The following KIRREL3 variants were observed in gnomAD, a reference collection of about 807,000 sequenced individuals.
KIRREL3 encodes kin of IRRE-like protein 3.
KIRREL3 carries 36 observed loss-of-function variants against 89.7 expected under a neutral mutation model. The ratio of observed to expected loss-of-function variants is 0.40; its 90% CI spans 0.31 to 0.53. The LOEUF is 0.53. KIRREL3 is among the 20% of genes least tolerant of loss of function. The pLI, the probability that KIRREL3 is intolerant of heterozygous loss-of-function variation, is 0.49. For missense variants in KIRREL3, 864 were observed against 1,056.6 expected, an observed-to-expected ratio of 0.82 and a Z score of 2.53; for synonymous variants, 445 against 441.4, an observed-to-expected ratio of 1.01 and a Z score of -0.10.
intron 1 of KIRREL3, among the ~76,000 whole-genome samples, chr11:126,971,388 A>G (rs949846909): frequency 6.6e-6 from 1 of 152,166 alleles, no homozygotes; most frequent in Admixed American, 6.5e-5. Context: ...TTCTGAAGAG[A>G]TAACAGCTAG....
At chr11:126,804,924 G>A (rs1235959866) in intron 1 of KIRREL3, among the ~76,000 whole-genome samples, 3 of 152,110 alleles carry the variant, frequency 2.0e-5, no homozygotes, top group African/African-American at 2.4e-5. Context: ...CACAATTTTT[G>A]GCTAGGGGTT....
At chr11:126,577,158 T>TCGAC (rs1242004016) in intron 1 of KIRREL3, among the ~76,000 whole-genome samples, 2 of 152,186 alleles carry the variant, frequency 1.3e-5, no homozygotes, top group African/African-American at 4.8e-5. Flanking sequence ...GCGTTTCCTA[T>TCGAC]CGACCCGGTG....
Position 126,637,730 on chromosome 11 carries a change from G to A in KIRREL3, c.56-74818C>T, listed in dbSNP as rs189976803. On this transcript the variant is annotated intron_variant, in intron 1 of 16. Coordinates refer to ENST00000525144, the MANE Select transcript of KIRREL3 (RefSeq NM_032531.4). ...TGGTCACTTAAAAAAAGATAAAAATGCAGAGGAGGGTTTTCCTTAGCAAAA... is the reference window on the plus strand; with the variant it reads ...TGGTCACTTAAAAAAAGATAAAAATACAGAGGAGGGTTTTCCTTAGCAAAA... 7.2e-5 allele frequency among the ~76,000 whole-genome samples: 11 copies of A among 152,300 alleles called. No homozygotes were observed. In the East Asian group the frequency reaches 2.1e-3, roughly 29 times the overall value.
chr11:126,478,914 G>C lies in KIRREL3; in HGVS notation c.434-5448C>G, dbSNP rs113451061. Among the ~76,000 whole-genome samples the C allele has an allele frequency of 3.7e-3, 566 of 152,288 alleles. 5 individuals are homozygous for C. Among genetic ancestry groups the C allele is most frequent in the African/African-American group, 0.013 (531 of 41,540 alleles). ...AGCGCTGTAGGAACTCTGCGCTGCT[G>C]TGGCATCAGGGTTGGTGCTCCCTGT... On this transcript the variant is annotated intron_variant, in intron 4 of 16. Transcript: ENST00000525144.
chr11:126,729,948 T>C lies in KIRREL3; in HGVS notation c.56-167036A>G, dbSNP rs1948547099. 6.6e-6 allele frequency among the ~76,000 whole-genome samples: 1 copy of C among 152,200 alleles called. No individual in the cohort carries two copies. Among genetic ancestry groups the C allele is most frequent in the African/African-American group, 2.4e-5 (1 of 41,456 alleles). On this transcript the variant is annotated intron_variant, in intron 1 of 16. Transcript: ENST00000525144. This position sits in a 1 kb window ranked among gnomAD's most constrained non-coding sequence, Gnocchi z 4.5. ...TCCCTTCCTTGACATTTCTGTGACA[T>C]TTGGCTCTGTGACGGCTTCCTTCTT... is the stretch of plus-strand genomic sequence containing the variant.
At position 126,708,578 on chromosome 11, in the gene KIRREL3, C is replaced by T. The variant is rs934344470; in HGVS notation, c.56-145666G>A. ...ACAAGTTGCTGTTCCGACGTGGGCT[C>T]CGGGGTGGGGAAGGAAGGAGGGCGT... On this transcript the variant is annotated intron_variant, in intron 1 of 16. Transcript: ENST00000525144. This position sits in a 1 kb window ranked among gnomAD's most constrained non-coding sequence, Gnocchi z 5.7. 2.6e-5 allele frequency among the ~76,000 whole-genome samples: 4 copies of T among 152,128 alleles called. No homozygotes were observed. The highest frequency in any genetic ancestry group is 5.9e-5 in the Non-Finnish European group (4 of 68,034).
rs990877388 is a variant in KIRREL3 at position 126,734,353 on chromosome 11, T to C, written c.56-171441A>G. 4.6e-5 allele frequency among the ~76,000 whole-genome samples: 7 copies of C among 152,276 alleles called. No individual in the cohort carries two copies. In the East Asian group the frequency reaches 1.2e-3, roughly 25 times the overall value. ...AAGATTTCCCCCTCTGTTTTTTCAG[T>C]GATCCATTTGTTTACTTAAGAAATA... On this transcript the variant is annotated intron_variant, in intron 1 of 16. Coordinates refer to ENST00000525144, the MANE Select transcript of KIRREL3 (RefSeq NM_032531.4). This position sits in a 1 kb window ranked among gnomAD's most constrained non-coding sequence, Gnocchi z 5.9.
At chr11:126,757,309 A>G (rs919726512) in intron 1 of KIRREL3, among the ~76,000 whole-genome samples, 2 of 152,150 alleles carry the variant, frequency 1.3e-5, no homozygotes, top group African/African-American at 4.8e-5. Flanking sequence ...AATAAAAAAA[A>G]AAAGAAAAGA....
chr11:126,559,723 G>A (rs1489494936), intron 2 of KIRREL3, among the ~76,000 whole-genome samples: 2 of 152,028 alleles, frequency 1.3e-5, no homozygotes, highest in South Asian at 2.1e-4. Flanking sequence ...AGGCTGGGGT[G>A]CAGTGGCAGG....
rs1462812636 is a variant in KIRREL3, at chr11:126,496,313, G to GA, written c.434-22848dup. Among the ~76,000 whole-genome samples, 1 of 152,156 alleles carries GA rather than the reference G, an allele frequency of 6.6e-6. No individual in the cohort carries two copies. The highest frequency in any genetic ancestry group is 1.5e-5 in the Non-Finnish European group (1 of 68,036). ...TACACGTTCATCTTTCTCTTTACCA[G>GA]AACCCTGAACACTGGTAAGGCAGGC... On this transcript the variant is annotated intron_variant, in intron 4 of 16. Coordinates refer to ENST00000525144, the MANE Select transcript of KIRREL3 (RefSeq NM_032531.4). The surrounding 1 kb of genome is among the most constrained non-coding windows in gnomAD (Gnocchi z 4.9).
At chr11:126,440,707 G>T in intron 10 of KIRREL3, 158 bp from the exon 11 acceptor site, 1 of 697,296 alleles carries the variant, frequency 1.4e-6, no homozygotes, top group South Asian at 1.6e-5. Context: ...AGAGGACTCA[G>T]AGATAAATTA....
In KIRREL3 at chr11:126,664,841, A is replaced by G. The variant is rs1945582475; in HGVS notation, c.56-101929T>C. Among the ~76,000 whole-genome samples, 1 of 152,270 alleles carries G rather than the reference A, an allele frequency of 6.6e-6. No individual in the cohort carries two copies. The highest frequency in any genetic ancestry group is 1.9e-4 in the East Asian group (1 of 5,184). On this transcript the variant is annotated intron_variant, in intron 1 of 16. Transcript: ENST00000525144. This position sits in a 1 kb window ranked among gnomAD's most constrained non-coding sequence, Gnocchi z 5.4. ...ATCTATGAACCTCTTGTGCCCTTAG[A>G]CAGGGGGGCATTCCCTGCCTCAACC... is the stretch of plus-strand genomic sequence containing the variant.
At chr11:126,451,920 G>A (rs1016335391) in intron 7 of KIRREL3, among the ~76,000 whole-genome samples, 7 of 152,058 alleles carry the variant, frequency 4.6e-5, no homozygotes, top group Non-Finnish European at 1.0e-4. Context: ...CTCCAGAAGC[G>A]TCACCCCACA....
chr11:126,637,064 G>T (rs986700746), intron 1 of KIRREL3, among the ~76,000 whole-genome samples: 5 of 152,116 alleles, frequency 3.3e-5, no homozygotes, highest in Non-Finnish European at 5.9e-5. Flanking sequence ...AGAGATCAGG[G>T]TGGTGAGTTG....
At chr11:126,833,673 C>T (rs766565606) in intron 1 of KIRREL3, among the ~76,000 whole-genome samples, 11 of 152,312 alleles carry the variant, frequency 7.2e-5, no homozygotes, top group African/African-American at 9.6e-5. Context: ...CTTTAGCCCC[C>T]GAGTGCTGCA....
intron 1 of KIRREL3, among the ~76,000 whole-genome samples, chr11:126,928,747 T>A (rs1947820683): frequency 6.6e-6 from 1 of 152,186 alleles, no homozygotes; most frequent in South Asian, 2.1e-4. Flanking sequence ...TTTTTTCTTT[T>A]TAAAGTTGGT....
chr11:126,598,012 A>G (rs1942481187), intron 1 of KIRREL3, among the ~76,000 whole-genome samples: 1 of 152,218 alleles, frequency 6.6e-6, no homozygotes, highest in Admixed American at 6.5e-5. Flanking sequence ...GACTTGAGGT[A>G]ATTTGAGCAG....
chr11:126,953,526 C>T lies in KIRREL3; in HGVS notation c.55+46929G>A, dbSNP rs1421668227. ...GTTTTGTTCATCTTTTCATAATAAA[C>T]GTGCTGATAGTTCCAAAGAGAAGAG... On this transcript the variant is annotated intron_variant, in intron 1 of 16. Transcript: ENST00000525144. This position sits in a 1 kb window ranked among gnomAD's most constrained non-coding sequence, Gnocchi z 5.2. Among the ~76,000 whole-genome samples, 5 of 151,764 alleles carry T rather than the reference C, an allele frequency of 3.3e-5. No individual in the cohort carries two copies. The highest frequency in any genetic ancestry group is 1.3e-4 in the Admixed American group (2 of 15,232).
chr11:126,678,599 C>CAAA (rs59342253), intron 1 of KIRREL3, among the ~76,000 whole-genome samples: 10,081 of 49,910 alleles, frequency 0.2, 3,083 homozygotes, highest in South Asian at 0.38. Flanking sequence ...GACTCTGTCT[C>CAAA]AAAAAAAAAA....
Sources: allele counts gnomAD v4.1 joint callset (sites outside exome capture counted in the v4.1 genomes callset), GRCh38; gene constraint gnomAD v4.1.1; non-coding constraint Gnocchi (gnomAD v3.1); transcripts MANE v1.5; gene names NCBI Gene and HGNC (gene_info 2026-07-23, HGNC 2026-07-21).